The following ZNFX1 variants were observed in gnomAD, a reference collection of about 807,000 sequenced individuals.
ZNFX1 encodes NFX1-type zinc finger-containing protein 1.
Under a neutral mutation model 179.8 loss-of-function variants are expected in ZNFX1, and 78 were observed. The observed-to-expected ratio is 0.43, with a 90% CI of 0.36 to 0.52. ZNFX1 has a LOEUF of 0.52. Ranked by LOEUF, ZNFX1 falls within the 20% of genes least tolerant of loss-of-function variation. The pLI is 0.00. For synonymous variants in ZNFX1, 848 were observed against 868.5 expected (o/e 0.98, Z 0.42); for missense variants, 1,927 against 2,386.6 (o/e 0.81, Z 4.01).
intron 8 of ZNFX1, 76 bp from the exon 9 acceptor site, chr20:49,256,023 A>G (rs1490730131): frequency 1.9e-6 from 3 of 1,540,364 alleles, no homozygotes; most frequent in Admixed American, 4.0e-5. Context: ...CAGGGGTCAC[A>G]GCACGTAAGA....
intron 2 of ZNFX1, among the ~76,000 whole-genome samples, chr20:49,272,180 C>CTTT (rs72383185): frequency 2.1e-5 from 3 of 140,856 alleles, no homozygotes; most frequent in East Asian, 2.1e-4. Flanking sequence ...TCAGTTTCTG[C>CTTT]TTTTTTTTTT....
At chr20:49,260,199 G>C (rs2146735080) in intron 7 of ZNFX1, among the ~76,000 whole-genome samples, 1 of 149,028 alleles carries the variant, frequency 6.7e-6, no homozygotes, top group South Asian at 2.1e-4. Flanking sequence ...CAGGAGAGGA[G>C]AATCGCTTGA....
chr20:49,252,236 G>A (rs1249207323), intron 12 of ZNFX1, among the ~76,000 whole-genome samples: 1 of 151,264 alleles, frequency 6.6e-6, no homozygotes, highest in African/African-American at 2.4e-5. Context: ...CCGCCTCCCA[G>A]GTTCAAGCAA....
Position 49,252,781 on chromosome 20 carries a change from T to G in ZNFX1, c.3155A>C (p.Glu1052Ala), listed in dbSNP as rs752611635. Reference sequence around the variant, plus strand: ...CACTAGCCGTTCAAAAAGGGACACCTCAAGGTTGAAGTTCTTGGCCAGATC... The same window carrying G: ...CACTAGCCGTTCAAAAAGGGACACCGCAAGGTTGAAGTTCTTGGCCAGATC... ...VYDLAKNFNLEVSLFERLVKV... is the reference protein window; with the variant it reads ...VYDLAKNFNLAVSLFERLVKV... Residue 1052 changes from glutamate (E) to alanine (A), a missense_variant, in exon 12 of 14, where the codon GAG (glutamate) becomes GCG (alanine). Glu to Ala is a moderately radical substitution (Grantham distance 107). Transcript: ENST00000396105. The G allele has an allele frequency of 1.9e-6, 3 of 1,614,104 alleles. No individual in the cohort carries two copies. The highest frequency in any genetic ancestry group is 2.5e-6 in the Non-Finnish European group (3 of 1,180,022).
intron 7 of ZNFX1, among the ~76,000 whole-genome samples, chr20:49,258,218 C>T (rs1490457399): frequency 6.6e-6 from 1 of 151,692 alleles, no homozygotes; most frequent in Non-Finnish European, 1.5e-5. Context: ...GCCTCAGCCT[C>T]CCGAGTAGTT....
intron 5 of ZNFX1, among the ~76,000 whole-genome samples, chr20:49,263,867 A>G (rs1381977608): frequency 6.6e-6 from 1 of 152,080 alleles, no homozygotes; most frequent in Non-Finnish European, 1.5e-5. Flanking sequence ...AGTGTTTCAG[A>G]TTTTGGAATA....
In ZNFX1 at chr20:49,248,360, CCA is replaced by C. The variant is rs1302542720; in HGVS notation, c.4662_4663del (p.Cys1554TrpfsTer15). On this transcript the variant is annotated frameshift_variant, in exon 14 of 14. Transcript: ENST00000396105. LOFTEE classifies it high-confidence loss of function. The surrounding 1 kb of genome is among the most constrained non-coding windows in gnomAD (Gnocchi z 4.6). ...CCGGCATTTCTTGGGGCATGGCTCC[CCA>C]CAGAGACCAATGCAGGGGTGGCCAC... The C allele has an allele frequency of 6.2e-7, 1 of 1,613,608 alleles. No homozygotes were observed. Among genetic ancestry groups the C allele is most frequent in the Non-Finnish European group, 8.5e-7 (1 of 1,179,658 alleles).
In ZNFX1 at chr20:49,249,556, G is replaced by A. The variant is rs1319075435; in HGVS notation, c.3468C>T (p.Ile1156=). 1.9e-5 allele frequency: 31 copies of A among 1,614,140 alleles called. No homozygotes were observed. Among genetic ancestry groups the A allele is most frequent in the Non-Finnish European group, 2.5e-5 (29 of 1,180,048 alleles). Residue 1156 remains isoleucine, a synonymous_variant, in exon 14 of 14, where the codon ATC becomes ATT. Transcript: ENST00000396105. ...AGAGCTGCCCGGTATAGGTAGTGAGGATGGTGATCTGGGAAGGCAGGTATT... is the reference window on the plus strand; with the variant it reads ...AGAGCTGCCCGGTATAGGTAGTGAGAATGGTGATCTGGGAAGGCAGGTATT... ...CQEYLPSQIT[I]LTTYTGQLFC... is the part of the protein sequence containing the mutation.
At chr20:49,276,476 A>G (rs1036416547) in intron 1 of ZNFX1, among the ~76,000 whole-genome samples, 4 of 152,328 alleles carry the variant, frequency 2.6e-5, no homozygotes, top group African/African-American at 9.6e-5. Flanking sequence ...AAGAAATTAC[A>G]TGTTTCAATA....
Position 49,254,491 on chromosome 20 carries a change from T to C in ZNFX1, c.2959+4A>G. 1 of 1,613,864 alleles carries C rather than the reference T, an allele frequency of 6.2e-7. No homozygotes were observed. Among genetic ancestry groups the C allele is most frequent in the African/African-American group, 1.3e-5 (1 of 75,036 alleles). On this transcript the variant is annotated splice_donor_region_variant and intron_variant, in intron 10 of 13. Transcript: ENST00000396105. ...AACAGGCAAATTTCTCCACAGTTTCTTACCTGTGGTTGTCATTCCTACAAC... is the reference window on the plus strand; with the variant it reads ...AACAGGCAAATTTCTCCACAGTTTCCTACCTGTGGTTGTCATTCCTACAAC...
chr20:49,248,229 C>G lies in ZNFX1; in HGVS notation c.4795G>C (p.Ala1599Pro), dbSNP rs757708103. The change falls in exon 14 of 14, where the codon GCC becomes CCC. Residue 1599 changes from alanine to proline, a missense_variant. Transcript: ENST00000396105. The surrounding 1 kb of genome is among the most constrained non-coding windows in gnomAD (Gnocchi z 4.6). ...TGTTCATTCATGTAGCGGTCTAGGG[C>G]TTGCACCTCAAAGATGTGGCTGCAG... is the stretch of plus-strand genomic sequence containing the variant. Reference protein sequence around the residue: ...EDCSHIFEVQALDRYMNEQKD... With the variant: ...EDCSHIFEVQPLDRYMNEQKD... The G allele has an allele frequency of 6.2e-7, 1 of 1,614,164 alleles. No individual in the cohort carries two copies. Among genetic ancestry groups the G allele is most frequent in the Admixed American group, 1.7e-5 (1 of 60,008 alleles).
In ZNFX1 at chr20:49,247,594, C is replaced by A. The variant is rs1379222827; in HGVS notation, c.5430G>T (p.Gln1810His). 6.2e-7 allele frequency: 1 copy of A among 1,614,216 alleles called. No individual in the cohort carries two copies. Among genetic ancestry groups the A allele is most frequent in the South Asian group, 1.1e-5 (1 of 91,088 alleles). Residue 1810 changes from glutamine (Q) to histidine (H), a missense_variant, in exon 14 of 14, where the codon CAG becomes CAT. Coordinates refer to ENST00000396105, the MANE Select transcript of ZNFX1 (RefSeq NM_021035.3). ...KFTQEDEQLVQEKMEALKATL... is the reference protein window; with the variant it reads ...KFTQEDEQLVHEKMEALKATL... ...TGGCTTTCAGAGCTTCCATCTTTTCCTGCACAAGTTGTTCATCCTCTTGGG... is the reference window on the plus strand; with the variant it reads ...TGGCTTTCAGAGCTTCCATCTTTTCATGCACAAGTTGTTCATCCTCTTGGG...
In ZNFX1 at chr20:49,258,098, A is replaced by ATTTT. The variant is rs10648506; in HGVS notation, c.2417-438_2417-435dup. On this transcript the variant is annotated intron_variant, in intron 7 of 13. Transcript: ENST00000396105. ...GAAGACATTATCAAGGGTTTATGTG[A>ATTTT]TTTTTTTTTTTTTTTTGAGACGGAG... Among the ~76,000 whole-genome samples, 72 of 138,784 alleles carry ATTTT rather than the reference A, an allele frequency of 5.2e-4. 2 individuals are homozygous for ATTTT. The highest frequency in any genetic ancestry group is 1.3e-3 in the Admixed American group (18 of 13,790). 91.0% of individuals were successfully genotyped at this position (138,784 alleles called of 152,430 possible).
At chr20:49,266,884 T>C (rs530366316) in intron 3 of ZNFX1, among the ~76,000 whole-genome samples, 52 of 152,270 alleles carry the variant, frequency 3.4e-4, no homozygotes, top group Non-Finnish European at 5.6e-4. Flanking sequence ...TTAATTAGGC[T>C]AAAAACTGCT....
chr20:49,252,033 A>C (rs189347857), intron 12 of ZNFX1, among the ~76,000 whole-genome samples: 49 of 151,942 alleles, frequency 3.2e-4, no homozygotes, highest in Non-Finnish European at 5.7e-4. Context: ...GTGTTTCGCC[A>C]TGTTGGCGAG....
chr20:49,257,488 GA>G lies in ZNFX1; in HGVS notation c.2592del (p.Leu865TrpfsTer3). The G allele has an allele frequency of 6.2e-7, 1 of 1,614,018 alleles. No homozygotes were observed. The highest frequency in any genetic ancestry group is 8.5e-7 in the Non-Finnish European group (1 of 1,180,012). ...CCACAATGGTCTAGCCTCATGGCCA[GA>G]AGCATTTTAGCCAACTCCTGGTCTG... is the stretch of plus-strand genomic sequence containing the variant. Reference protein sequence around the residue: ...SGADQELAKMLLAMRLDHCGT... With the variant: ...SGADQELAKMXLAMRLDHCGT... On this transcript the variant is annotated frameshift_variant, in exon 8 of 14. Transcript: ENST00000396105. LOFTEE classifies it high-confidence loss of function.
At chr20:49,277,794 G>T in intron 1 of ZNFX1, 1 of 148,862 alleles carries the variant, frequency 6.7e-6, no homozygotes. Flanking sequence ...TGATGCCGCT[G>T]GGGGCCAAAG....
chr20:49,264,896 A>G (rs1480145447), intron 4 of ZNFX1, 32 bp from the exon 5 acceptor site: 1 of 1,614,128 alleles, frequency 6.2e-7, no homozygotes, highest in Admixed American at 1.7e-5. Flanking sequence ...GGCAGGGTTG[A>G]GAGGAGCTTA....
At chr20:49,275,445 C>T (rs1483019466) in intron 2 of ZNFX1, among the ~76,000 whole-genome samples, 1 of 152,084 alleles carries the variant, frequency 6.6e-6, no homozygotes, top group African/African-American at 2.4e-5. Flanking sequence ...TCCTGAGGTT[C>T]AAGGGATCCT....
Sources: allele counts gnomAD v4.1 joint callset (sites outside exome capture counted in the v4.1 genomes callset), GRCh38; gene constraint gnomAD v4.1.1; non-coding constraint Gnocchi (gnomAD v3.1); transcripts MANE v1.5; gene names NCBI Gene and HGNC (gene_info 2026-07-23, HGNC 2026-07-21).